QRSL1: variants seen among roughly 807,000 people sequenced by gnomAD.
QRSL1 encodes the protein glutamyl-tRNA(Gln) amidotransferase subunit A, mitochondrial.
QRSL1 carries 54 observed loss-of-function variants against 61.6 expected under a neutral mutation model. The observed-to-expected ratio is 0.88, with a 90% CI of 0.70 to 1.10. QRSL1 has a LOEUF of 1.10. Among genes scored for constraint, QRSL1 ranks in the 50% least tolerant of loss-of-function variants. The probability of loss-of-function intolerance (pLI) is 0.00; values close to 1 mark genes in which losing one functional copy is unlikely to be tolerated. For synonymous variants in QRSL1, 228 were observed against 225.7 expected, an observed-to-expected ratio of 1.01 and a Z score of -0.09; for missense variants, 505 against 622.6, an observed-to-expected ratio of 0.81 and a Z score of 2.01.
rs562358327 is a variant in QRSL1 at position 106,666,675 on chromosome 6, T to C, written c.*673T>C. On this transcript the variant is annotated 3_prime_UTR_variant, in exon 11 of 11. Coordinates refer to ENST00000369046, the MANE Select transcript of QRSL1 (RefSeq NM_018292.5). ...AAAACATGAATAGTCCTTCTAGAGGTAACTTGGATAGCCTAGGCAGGCAAC... is the reference window on the plus strand; with the variant it reads ...AAAACATGAATAGTCCTTCTAGAGGCAACTTGGATAGCCTAGGCAGGCAAC... 1.3e-5 allele frequency: 2 copies of C among 152,756 alleles called. No homozygotes were observed. Among genetic ancestry groups the C allele is most frequent in the South Asian group, 4.1e-4 (2 of 4,850 alleles). The allele number at this position is 152,756 out of a possible 1,614,324, so 9.5% of individuals were successfully genotyped here. A position where few individuals can be genotyped will look rare whatever the true frequency, so the allele number is the denominator to read the frequency against.
chr6:106,649,475 G>C (rs1811546), intron 5 of QRSL1, among the ~76,000 whole-genome samples: 6 of 151,726 alleles, frequency 4.0e-5, no homozygotes, highest in Non-Finnish European at 5.9e-5. Flanking sequence ...ATAAAGCATC[G>C]AACATAAATG....
chr6:106,639,119 G>GTTTTTTTTTTTTTTTTTTTTTTTTTTT (rs1177849683), intron 1 of QRSL1, among the ~76,000 whole-genome samples: 1 of 122,810 alleles, frequency 8.1e-6, no homozygotes, highest in East Asian at 2.7e-4. Flanking sequence ...GTGTTTTGTT[G>GTTTTTTTTTTTTTTTTTTTTTTTTTTT]TTTTTTTTTT....
Position 106,636,318 on chromosome 6 carries a change from CT to C in QRSL1, c.25-4010del, listed in dbSNP as rs869032477. ...CCTCGGTTGAATCCCAGCTCTGCTA[CT>C]TTTTTTTTTTTTTTTTTTTTAAGAC... On this transcript the variant is annotated intron_variant, in intron 1 of 10. Transcript: ENST00000369046. 7.2e-3 allele frequency among the ~76,000 whole-genome samples: 948 copies of C among 131,764 alleles called. 4 individuals carry two copies. The highest frequency in any genetic ancestry group is 0.01 in the South Asian group (42 of 4,060). The allele number at this position is 131,764 out of a possible 152,430, so 86.4% of individuals were successfully genotyped here. A position where few individuals can be genotyped will look rare whatever the true frequency, so the allele number is the denominator to read the frequency against.
chr6:106,642,719 C>T, intron 3 of QRSL1: 1 of 747,802 alleles, frequency 1.3e-6, no homozygotes. Flanking sequence ...AATGAATGTG[C>T]ATATTGAGCA....
chr6:106,667,949 A>G lies in QRSL1; in HGVS notation c.*1947A>G, dbSNP rs1202565443. 1.8e-5 allele frequency: 2 copies of G among 108,620 alleles called. No individual in the cohort carries two copies. The highest frequency in any genetic ancestry group is 3.5e-5 in the African/African-American group (1 of 28,800). 6.7% of individuals were successfully genotyped at this position (108,620 alleles called of 1,614,324 possible). On this transcript the variant is annotated 3_prime_UTR_variant, in exon 11 of 11. Transcript: ENST00000369046. ...CGTTGCCCCAATCTGTTTTTATGTA[A>G]TGAATTTAAAAAAAAAGAGAGAGAG...
At chr6:106,646,716 G>A (rs1777110581) in intron 4 of QRSL1, among the ~76,000 whole-genome samples, 2 of 151,802 alleles carry the variant, frequency 1.3e-5, no homozygotes, top group Admixed American at 6.6e-5. Context: ...GACACATGAA[G>A]CACAAATCCA....
At position 106,664,828 on chromosome 6, in the gene QRSL1, GC is replaced by G. The variant is rs553391019; in HGVS notation, c.1367-953del. On this transcript the variant is annotated intron_variant, in intron 10 of 10. Transcript: ENST00000369046. ...ATTTTTCCTTTTATCATTTTTTTAA[GC>G]AATTTCTGGAGTAATATTTTGAGAC... Among the ~76,000 whole-genome samples, 494 of 152,082 alleles carry G rather than the reference GC, an allele frequency of 3.2e-3. 3 individuals are homozygous for G. Among genetic ancestry groups the G allele is most frequent in the Non-Finnish European group, 3.7e-3 (251 of 67,976 alleles).
At chr6:106,648,188 C>T (rs918756156) in intron 4 of QRSL1, among the ~76,000 whole-genome samples, 1 of 151,150 alleles carries the variant, frequency 6.6e-6, no homozygotes, top group African/African-American at 2.4e-5. Flanking sequence ...CCCAGCTACT[C>T]GGGAGGCTGA....
At chr6:106,642,903 CT>C in intron 3 of QRSL1, 90 bp from the exon 4 acceptor site, 1 of 939,284 alleles carries the variant, frequency 1.1e-6, no homozygotes, top group Non-Finnish European at 1.7e-6. Flanking sequence ...CTGTTGGAGC[CT>C]ATTCCCTGTG....
chr6:106,641,021 C>A, intron 3 of QRSL1, 100 bp downstream of exon 3: 1 of 783,978 alleles, frequency 1.3e-6, no homozygotes, highest in Non-Finnish European at 2.0e-6. Context: ...CTAATTATAT[C>A]TTTGAAGGAA....
At chr6:106,656,229 C>A (rs1489286828) in intron 9 of QRSL1, among the ~76,000 whole-genome samples, 2 of 152,086 alleles carry the variant, frequency 1.3e-5, no homozygotes, top group Admixed American at 1.3e-4. Context: ...GTCTTGGTAC[C>A]AAACCCCCAA....
At chr6:106,640,108 T>C in intron 1 of QRSL1, 1 of 374,378 alleles carries the variant, frequency 2.7e-6, no homozygotes, top group Non-Finnish European at 4.8e-6. Flanking sequence ...CAGCCTGACT[T>C]TGAAACCAAA....
rs1777450283 is a variant in QRSL1, at chr6:106,667,163, A to G, written c.*1161A>G. 6.6e-6 allele frequency: 1 copy of G among 152,264 alleles called. No homozygotes were observed. The highest frequency in any genetic ancestry group is 6.5e-5 in the Admixed American group (1 of 15,290). 9.4% of individuals were successfully genotyped at this position (152,264 alleles called of 1,614,324 possible). A position where few individuals can be genotyped will look rare whatever the true frequency, so the allele number is the denominator to read the frequency against. ...TATTAGTGAAAAAGGTTCAAAATAC[A>G]CAAGTAACATACACTCTGAAAAACA... On this transcript the variant is annotated 3_prime_UTR_variant, in exon 11 of 11. Transcript: ENST00000369046.
intron 1 of QRSL1, among the ~76,000 whole-genome samples, chr6:106,638,398 G>A (rs760209713): frequency 7.9e-5 from 12 of 151,886 alleles, no homozygotes; most frequent in Admixed American, 6.6e-5. Flanking sequence ...TCTGCCTCCC[G>A]GGTTCAAGCG....
In QRSL1 at chr6:106,663,093, G is replaced by A; in HGVS notation, c.1274G>A (p.Ser425Asn). ...VDVLLTPTTL[S>N]EAVPYLEFIK... is the part of the protein sequence containing the mutation. ...GTCTTGCTAACTCCCACCACCTTGA[G>A]TGAGGCAGTACCATACTTGGAGTTC... Residue 425 changes from serine (S) to asparagine (N), a missense_variant, in exon 10 of 11, where the codon AGT becomes AAT. Coordinates refer to ENST00000369046, the MANE Select transcript of QRSL1 (RefSeq NM_018292.5). 6.2e-7 allele frequency: 1 copy of A among 1,614,090 alleles called. No individual in the cohort carries two copies. Among genetic ancestry groups the A allele is most frequent in the Non-Finnish European group, 8.5e-7 (1 of 1,179,936 alleles).
intron 1 of QRSL1, among the ~76,000 whole-genome samples, chr6:106,633,982 G>A (rs1776880089): frequency 6.6e-6 from 1 of 151,958 alleles, no homozygotes; most frequent in Admixed American, 6.6e-5. Flanking sequence ...ATAATTTCAG[G>A]TAGTATGAGT....
intron 9 of QRSL1, among the ~76,000 whole-genome samples, chr6:106,662,448 C>T (rs557107272): frequency 2.1e-4 from 32 of 150,100 alleles, no homozygotes; most frequent in African/African-American, 6.3e-4. Flanking sequence ...TGTTAAGAAT[C>T]TTAATGGTGC....
intron 9 of QRSL1, 39 bp from the exon 10 acceptor site, chr6:106,662,941 A>G: frequency 1.3e-6 from 2 of 1,494,294 alleles, no homozygotes; most frequent in Non-Finnish European, 1.9e-6. Flanking sequence ...AGAAAAATAC[A>G]AAAAATCCTT....
chr6:106,659,234 G>A (rs563125849), intron 9 of QRSL1, among the ~76,000 whole-genome samples: 57 of 152,264 alleles, frequency 3.7e-4, no homozygotes, highest in African/African-American at 1.3e-3. Context: ...GGAGGCCAAG[G>A]CGGGTGGATA....
Sources: allele counts gnomAD v4.1 joint callset (sites outside exome capture counted in the v4.1 genomes callset), GRCh38; gene constraint gnomAD v4.1.1; transcripts MANE v1.5; gene names NCBI Gene and HGNC (gene_info 2026-07-23, HGNC 2026-07-21).